CDH2: variants seen among roughly 807,000 people sequenced by gnomAD.
CDH2 encodes cadherin-2.
CDH2 carries 17 observed loss-of-function variants against 92.0 expected under a neutral mutation model. That is an observed-to-expected ratio of 0.18 (90% confidence interval 0.13 to 0.28). The LOEUF (loss-of-function observed/expected upper bound fraction) is 0.28. Among genes scored for constraint, CDH2 ranks in the 10% least tolerant of loss-of-function variants. The pLI, the probability that CDH2 is intolerant of heterozygous loss-of-function variation, is 1.00. For missense variants in CDH2, 862 were observed against 1,133.1 expected, an observed-to-expected ratio of 0.76 and a Z score of 3.44; for synonymous variants, 419 against 415.9, an observed-to-expected ratio of 1.01 and a Z score of -0.09.
In CDH2 at chr18:27,952,011, A is replaced by C; in HGVS notation, c.*142T>G. ...ATCACTGATATTCCCTCTGAGCCCA[A>C]ATTGGTTTGCAGCCTATGCCAAAGC... On this transcript the variant is annotated 3_prime_UTR_variant, in exon 16 of 16. Transcript: ENST00000269141. 1.4e-6 allele frequency: 1 copy of C among 691,342 alleles called. No homozygotes were observed. 42.8% of individuals were successfully genotyped at this position (691,342 alleles called of 1,614,324 possible).
At chr18:28,097,876 A>G (rs1323558854) in intron 2 of CDH2, among the ~76,000 whole-genome samples, 1 of 152,158 alleles carries the variant, frequency 6.6e-6, no homozygotes. Flanking sequence ...TCCTAAAAAG[A>G]TTTTCAATTT....
intron 2 of CDH2, among the ~76,000 whole-genome samples, chr18:28,095,229 A>G (rs1424712792): frequency 6.6e-6 from 1 of 152,138 alleles, no homozygotes; most frequent in East Asian, 1.9e-4. Flanking sequence ...TGCTTGCTAG[A>G]TGAACGAACA....
At chr18:28,055,497 T>C (rs1248761111) in intron 2 of CDH2, among the ~76,000 whole-genome samples, 2 of 152,100 alleles carry the variant, frequency 1.3e-5, no homozygotes, top group Admixed American at 6.6e-5. Flanking sequence ...GTGTAAAGGG[T>C]GAAGAAGAGT....
chr18:28,098,154 T>C (rs1032668967), intron 2 of CDH2, among the ~76,000 whole-genome samples: 2 of 152,186 alleles, frequency 1.3e-5, no homozygotes, highest in Non-Finnish European at 2.9e-5. Context: ...GAGCTTTTAG[T>C]AAATATACTA....
intron 2 of CDH2, among the ~76,000 whole-genome samples, chr18:28,031,327 A>C (rs2013689900): frequency 6.6e-6 from 1 of 152,034 alleles, no homozygotes. Context: ...ATATATCATC[A>C]AGACGACCAA....
intron 1 of CDH2, chr18:28,168,619 T>C: frequency 4.0e-6 from 2 of 500,870 alleles, no homozygotes; most frequent in Non-Finnish European, 5.2e-6. Context: ...TATTATTTGT[T>C]GATCAAAACT....
At chr18:28,162,329 A>G (rs931877326) in intron 1 of CDH2, among the ~76,000 whole-genome samples, 9 of 152,060 alleles carry the variant, frequency 5.9e-5, no homozygotes, top group Non-Finnish European at 1.2e-4. Flanking sequence ...TACTTAGGGG[A>G]GCACAAATGC....
chr18:27,955,663 T>C (rs1029195226), intron 15 of CDH2, among the ~76,000 whole-genome samples: 1 of 151,776 alleles, frequency 6.6e-6, no homozygotes, highest in East Asian at 1.9e-4. Context: ...ATATCCACTA[T>C]TGAGAGTCTA....
intron 1 of CDH2, among the ~76,000 whole-genome samples, chr18:28,173,457 C>A (rs1006062824): frequency 6.6e-6 from 1 of 152,076 alleles, no homozygotes; most frequent in African/African-American, 2.4e-5. Flanking sequence ...AGAATAAACA[C>A]GATTTACACT....
At chr18:28,159,585 A>G (rs2016273915) in intron 1 of CDH2, among the ~76,000 whole-genome samples, 1 of 152,114 alleles carries the variant, frequency 6.6e-6, no homozygotes, top group Non-Finnish European at 1.5e-5. Context: ...GTAGGGGAAG[A>G]AAGTACTCAT....
At chr18:27,982,265 T>C (rs1413792181) in intron 14 of CDH2, among the ~76,000 whole-genome samples, 1 of 152,208 alleles carries the variant, frequency 6.6e-6, no homozygotes, top group Non-Finnish European at 1.5e-5. Flanking sequence ...ATTTTTGTTT[T>C]CCATTTATGG....
intron 2 of CDH2, among the ~76,000 whole-genome samples, chr18:28,117,456 T>C (rs2015513921): frequency 6.6e-6 from 1 of 152,128 alleles, no homozygotes; most frequent in Admixed American, 6.5e-5. Context: ...GTGAGCTGGT[T>C]CAGAGATTTT....
At chr18:28,015,059 T>A (rs1350060941) in intron 2 of CDH2, among the ~76,000 whole-genome samples, 1 of 152,140 alleles carries the variant, frequency 6.6e-6, no homozygotes, top group African/African-American at 2.4e-5. Flanking sequence ...CAAAATATAA[T>A]CAAATACACC....
intron 2 of CDH2, among the ~76,000 whole-genome samples, chr18:28,059,756 T>C (rs1277501900): frequency 6.6e-6 from 1 of 152,368 alleles, no homozygotes; most frequent in African/African-American, 2.4e-5. Context: ...GTATGTTTCA[T>C]ATATGTGTAA....
At chr18:28,052,483 CT>C (rs1443942972) in intron 2 of CDH2, among the ~76,000 whole-genome samples, 1 of 150,134 alleles carries the variant, frequency 6.7e-6, no homozygotes, top group Non-Finnish European at 1.5e-5. Context: ...TGGTTCACCT[CT>C]CTATAAGGTC....
chr18:28,055,234 C>T (rs940055927), intron 2 of CDH2, among the ~76,000 whole-genome samples: 2 of 152,122 alleles, frequency 1.3e-5, no homozygotes, highest in Non-Finnish European at 2.9e-5. Context: ...TTACTAACCA[C>T]CATGAGAACA....
At chr18:27,995,298 A>G (rs2012545301) in intron 7 of CDH2, among the ~76,000 whole-genome samples, 1 of 143,820 alleles carries the variant, frequency 7.0e-6, no homozygotes. Flanking sequence ...TGGGCGACAG[A>G]ATGAGACTCC....
intron 2 of CDH2, among the ~76,000 whole-genome samples, chr18:28,072,430 C>A (rs927628350): frequency 2.0e-5 from 3 of 152,128 alleles, no homozygotes; most frequent in Non-Finnish European, 4.4e-5. Context: ...CCTACTCAAC[C>A]CGGAAGATCC....
intron 2 of CDH2, among the ~76,000 whole-genome samples, chr18:28,078,928 T>C (rs1179797264): frequency 7.2e-5 from 11 of 152,260 alleles, no homozygotes. Flanking sequence ...AATAATAACC[T>C]CATTCCTCCA....
Sources: allele counts gnomAD v4.1 joint callset (sites outside exome capture counted in the v4.1 genomes callset), GRCh38; gene constraint gnomAD v4.1.1; transcripts MANE v1.5; gene names NCBI Gene and HGNC (gene_info 2026-07-23, HGNC 2026-07-21).